Variants in PTPRK observed in about 807,000 individuals in gnomAD.
PTPRK encodes the protein protein tyrosine phosphatase receptor type K.
In PTPRK, 75 loss-of-function variants were observed where a neutral mutation model predicts 178.0. The observed-to-expected ratio is 0.42, with a 90% CI of 0.35 to 0.51. The LOEUF (loss-of-function observed/expected upper bound fraction) is 0.51, where lower values mean the gene tolerates loss of function less well. PTPRK is among the 20% of genes least tolerant of loss of function. The pLI, the probability that PTPRK is intolerant of heterozygous loss-of-function variation, is 0.02. For synonymous variants in PTPRK, 637 were observed against 620.6 expected (o/e 1.03, Z -0.39); for missense variants, 1,441 against 1,797.8 (o/e 0.80, Z 3.59).
intron 1 of PTPRK, among the ~76,000 whole-genome samples, chr6:128,407,633 CAAAAAAAA>C (rs56189580): frequency 4.1e-5 from 4 of 97,794 alleles, no homozygotes; most frequent in Non-Finnish European, 5.8e-5. Context: ...AAGACCCTAT[CAAAAAAAA>C]AAAAAAAAAA....
At chr6:128,144,991 G>A (rs1796274824) in intron 7 of PTPRK, among the ~76,000 whole-genome samples, 1 of 152,150 alleles carries the variant, frequency 6.6e-6, no homozygotes, top group Admixed American at 6.6e-5. Context: ...ATACTGTGGT[G>A]ACAGTAAATT....
chr6:128,387,342 A>G (rs1419715002), intron 2 of PTPRK, among the ~76,000 whole-genome samples: 2 of 152,244 alleles, frequency 1.3e-5, no homozygotes, highest in African/African-American at 4.8e-5. Flanking sequence ...TAGAACATTT[A>G]TAGCAACACA....
rs906837420 is a variant in PTPRK at position 128,000,395 on chromosome 6, T to C, written c.2495-1491A>G. ...TGTGTGCCTCTGTAATTTAGCTTGA[T>C]TGCATTTATCTTTACTCCCTCTTAT... is the stretch of plus-strand genomic sequence containing the variant. On this transcript the variant is annotated intron_variant, in intron 15 of 29. Transcript: ENST00000368226. The C allele has an allele frequency of 1.3e-5, 14 of 1,088,710 alleles. No individual in the cohort carries two copies. The African/African-American group carries it at 2.2e-4, about 17-fold the overall frequency. The allele number at this position is 1,088,710 out of a possible 1,614,324, so 67.4% of individuals were successfully genotyped here.
intron 3 of PTPRK, among the ~76,000 whole-genome samples, chr6:128,311,257 G>A (rs1827205907): frequency 6.6e-6 from 1 of 152,134 alleles, no homozygotes. Flanking sequence ...TCAGACCGAT[G>A]GGGCTTGAAT....
intron 7 of PTPRK, among the ~76,000 whole-genome samples, chr6:128,118,506 C>G (rs1035090220): frequency 6.6e-6 from 1 of 152,178 alleles, no homozygotes; most frequent in East Asian, 1.9e-4. Context: ...ACCATGAACA[C>G]AGGAAAGCCA....
chr6:128,043,558 A>G (rs1244810314), intron 13 of PTPRK, among the ~76,000 whole-genome samples: 3 of 151,510 alleles, frequency 2.0e-5, no homozygotes, highest in Non-Finnish European at 4.4e-5. Context: ...CAATCAGTGA[A>G]AAGAAGTGTT....
intron 1 of PTPRK, among the ~76,000 whole-genome samples, chr6:128,481,988 T>C (rs1413540463): frequency 6.6e-6 from 1 of 152,078 alleles, no homozygotes. Context: ...TCTAATCAAA[T>C]ATGCTATCCC....
chr6:128,439,995 C>G (rs1259221895), intron 1 of PTPRK, among the ~76,000 whole-genome samples: 1 of 152,182 alleles, frequency 6.6e-6, no homozygotes, highest in African/African-American at 2.4e-5. Flanking sequence ...AGAGCTGGAA[C>G]TGCACAGGTC....
intron 6 of PTPRK, among the ~76,000 whole-genome samples, chr6:128,212,602 C>T (rs1562800421): frequency 1.3e-5 from 2 of 152,082 alleles, no homozygotes; most frequent in East Asian, 3.9e-4. Flanking sequence ...ATAAAATTCC[C>T]TTGAGTTCAG....
intron 2 of PTPRK, among the ~76,000 whole-genome samples, chr6:128,354,230 T>TG (rs1300579950): frequency 7.7e-5 from 8 of 103,862 alleles, no homozygotes; most frequent in African/African-American, 2.5e-4. Flanking sequence ...TTTTTGTTTA[T>TG]GTTTTTTTTT....
intron 25 of PTPRK, among the ~76,000 whole-genome samples, chr6:127,977,372 T>C (rs1398533957): frequency 6.6e-6 from 1 of 152,216 alleles, no homozygotes; most frequent in African/African-American, 2.4e-5. Context: ...GCTTCTGAGG[T>C]TAACATCCTC....
chr6:128,475,041 C>A (rs925618839), intron 1 of PTPRK, among the ~76,000 whole-genome samples: 1 of 152,088 alleles, frequency 6.6e-6, no homozygotes, highest in South Asian at 2.1e-4. Flanking sequence ...GAAATTCAAA[C>A]CCTGCCTTTG....
intron 7 of PTPRK, among the ~76,000 whole-genome samples, chr6:128,164,598 A>G (rs781476671): frequency 9.9e-5 from 15 of 151,354 alleles, no homozygotes; most frequent in Non-Finnish European, 2.1e-4. Flanking sequence ...AAAGGTTTTA[A>G]AAAACACAGA....
chr6:128,341,069 T>C (rs1584253888), intron 2 of PTPRK, among the ~76,000 whole-genome samples: 1 of 152,292 alleles, frequency 6.6e-6, no homozygotes, highest in Non-Finnish European at 1.5e-5. Flanking sequence ...ATCAATATGA[T>C]GTCAGCTAGT....
At chr6:128,238,081 C>A (rs1250932510) in intron 5 of PTPRK, 2 of 441,368 alleles carry the variant, frequency 4.5e-6, no homozygotes, top group African/African-American at 2.1e-5. Flanking sequence ...GGTAAAATAG[C>A]TTTTGAATAA....
intron 3 of PTPRK, among the ~76,000 whole-genome samples, chr6:128,271,253 G>C (rs1819770984): frequency 1.3e-5 from 2 of 152,118 alleles, no homozygotes; most frequent in Admixed American, 1.3e-4. Context: ...CAGTTGCCAA[G>C]TCAAAAGCAA....
At chr6:128,227,942 G>C (rs1811632410) in intron 5 of PTPRK, among the ~76,000 whole-genome samples, 4 of 151,880 alleles carry the variant, frequency 2.6e-5, no homozygotes, top group Admixed American at 2.0e-4. Context: ...CATAGGGAGG[G>C]GAACATCACA....
intron 6 of PTPRK, among the ~76,000 whole-genome samples, chr6:128,209,588 T>C (rs992248248): frequency 4.6e-5 from 7 of 152,194 alleles, no homozygotes; most frequent in African/African-American, 1.7e-4. Context: ...TATGGCACTT[T>C]ATACCTCACT....
At chr6:128,208,311 A>G (rs560665544) in intron 6 of PTPRK, among the ~76,000 whole-genome samples, 2 of 151,994 alleles carry the variant, frequency 1.3e-5, no homozygotes, top group Non-Finnish European at 2.9e-5. Flanking sequence ...AAAAAAAAAA[A>G]AAAAATTCCC....
Sources: allele counts gnomAD v4.1 joint callset (sites outside exome capture counted in the v4.1 genomes callset), GRCh38; gene constraint gnomAD v4.1.1; transcripts MANE v1.5; gene names NCBI Gene and HGNC (gene_info 2026-07-23, HGNC 2026-07-21).